RANBP3: variants seen among roughly 807,000 people sequenced by gnomAD.
RANBP3 encodes the protein RAN binding protein 3, also known as ran-binding protein 3.
RANBP3 carries 14 observed loss-of-function variants against 77.3 expected under a neutral mutation model. The ratio of observed to expected loss-of-function variants is 0.18; its 90% confidence interval spans 0.12 to 0.28. The LOEUF (loss-of-function observed/expected upper bound fraction) is 0.28. Among genes scored for constraint, RANBP3 ranks in the 10% least tolerant of loss-of-function variants. The pLI is 1.00. For synonymous variants in RANBP3, 315 were observed against 312.4 expected, an observed-to-expected ratio of 1.01 and a Z score of -0.09; for missense variants, 586 against 752.3, an observed-to-expected ratio of 0.78 and a Z score of 2.59.
chr19:5,940,708 T>C (rs1795405637), intron 5 of RANBP3, among the ~76,000 whole-genome samples: 2 of 152,180 alleles, frequency 1.3e-5, no homozygotes, highest in South Asian at 4.1e-4. Context: ...GGAATGGATT[T>C]CAGTTGGGTA....
chr19:5,954,846 G>A (rs555242286), intron 2 of RANBP3, among the ~76,000 whole-genome samples: 2 of 152,306 alleles, frequency 1.3e-5, no homozygotes, highest in South Asian at 2.1e-4. Flanking sequence ...CCAGCCGCCC[G>A]CCCTGTGTGT....
chr19:5,925,770 G>A, intron 9 of RANBP3, 33 bp from the exon 10 acceptor site: 1 of 1,577,228 alleles, frequency 6.3e-7, no homozygotes, highest in East Asian at 2.2e-5. Context: ...AGTAATCGGG[G>A]GTGGGGGGGT....
chr19:5,965,979 G>C (rs571343062), intron 1 of RANBP3: 2 of 152,196 alleles, frequency 1.3e-5, no homozygotes, highest in Non-Finnish European at 2.9e-5. Flanking sequence ...AGGTGGGCCC[G>C]GGTCTTCGGG....
chr19:5,971,655 G>A (rs1317265096), intron 1 of RANBP3, among the ~76,000 whole-genome samples: 1 of 152,198 alleles, frequency 6.6e-6, no homozygotes, highest in Non-Finnish European at 1.5e-5. Flanking sequence ...GCAGGGCCCC[G>A]GACCATCTTT....
At chr19:5,938,263 T>G (rs931513857) in intron 5 of RANBP3, among the ~76,000 whole-genome samples, 7 of 152,222 alleles carry the variant, frequency 4.6e-5, no homozygotes, top group African/African-American at 1.7e-4. Context: ...TAAACTCGCT[T>G]GTTAAATCTT....
chr19:5,967,144 C>T (rs943459771), intron 1 of RANBP3, among the ~76,000 whole-genome samples: 12 of 152,212 alleles, frequency 7.9e-5, no homozygotes, highest in South Asian at 2.1e-4. Context: ...GATGCCTCTG[C>T]GGATCTCCGT....
rs2058105322 is a variant in RANBP3, at chr19:5,939,383, A to G, written c.406+2238T>C. 2.0e-5 allele frequency among the ~76,000 whole-genome samples: 3 copies of G among 152,284 alleles called. No individual in the cohort carries two copies. The South Asian group carries it at 6.2e-4, about 32-fold the overall frequency. On this transcript the variant is annotated intron_variant, in intron 5 of 16. Coordinates refer to ENST00000340578, the MANE Select transcript of RANBP3 (RefSeq NM_007322.3). ...GACTATGAGCTGAAGAGTTGGGGGA[A>G]AAATTTTAACAGCTGAAGAAGAACT...
chr19:5,932,666 C>G (rs2058009580), intron 6 of RANBP3, 122 bp from the exon 7 acceptor site: 3 of 693,816 alleles, frequency 4.3e-6, no homozygotes, highest in Non-Finnish European at 7.3e-6. Context: ...CAGGGAAGCA[C>G]TTTTTTAAAA....
At position 5,958,083 on chromosome 19, in the gene RANBP3, T is replaced by G. The variant is rs2058356672; in HGVS notation, c.23-110A>C. ...CATATATATAAATGAAACTAGTAAC[T>G]CCAGAGAACATCAAATCACTTAGAA... is the stretch of plus-strand genomic sequence containing the variant. On this transcript the variant is annotated intron_variant, in intron 1 of 16. Coordinates refer to ENST00000340578, the MANE Select transcript of RANBP3 (RefSeq NM_007322.3). This position sits in a 1 kb window ranked among gnomAD's most constrained non-coding sequence, Gnocchi z 4.4. The G allele has an allele frequency of 6.3e-6, 6 of 954,870 alleles. No homozygotes were observed. In the Admixed American group the frequency reaches 6.5e-5, roughly 10 times the overall value. 59.1% of individuals were successfully genotyped at this position (954,870 alleles called of 1,614,324 possible).
intron 1 of RANBP3, among the ~76,000 whole-genome samples, chr19:5,972,899 A>C (rs1162116859): frequency 2.6e-5 from 4 of 152,192 alleles, no homozygotes; most frequent in Non-Finnish European, 5.9e-5. Context: ...TGCCGGGAAA[A>C]TCCCATTTTC....
chr19:5,940,149 T>G (rs1310299479), intron 5 of RANBP3, among the ~76,000 whole-genome samples: 2 of 152,170 alleles, frequency 1.3e-5, no homozygotes, highest in African/African-American at 4.8e-5. Flanking sequence ...GAGAGCTGAG[T>G]GTCTCTTGGG....
intron 1 of RANBP3, among the ~76,000 whole-genome samples, chr19:5,976,169 C>T (rs938112855): frequency 1.3e-5 from 2 of 152,132 alleles, no homozygotes; most frequent in African/African-American, 2.4e-5. Context: ...AAGAATGGAC[C>T]TGCCTAACTA....
chr19:5,944,810 C>G (rs147136469), intron 3 of RANBP3, among the ~76,000 whole-genome samples: 79 of 152,380 alleles, frequency 5.2e-4, no homozygotes, highest in East Asian at 1.5e-3. Context: ...TCCCCACCCC[C>G]AAGTCCCATC....
At chr19:5,972,616 G>T (rs1261760102) in intron 1 of RANBP3, among the ~76,000 whole-genome samples, 1 of 152,172 alleles carries the variant, frequency 6.6e-6, no homozygotes, top group Non-Finnish European at 1.5e-5. Flanking sequence ...GTGGTCCTCT[G>T]GTAAGTTTTG....
intron 3 of RANBP3, among the ~76,000 whole-genome samples, chr19:5,947,578 G>T (rs2058222459): frequency 6.6e-6 from 1 of 152,218 alleles, no homozygotes; most frequent in Admixed American, 6.5e-5. Context: ...TAAGGAAGCA[G>T]AAGAGAAAGA....
chr19:5,923,419 C>T, intron 12 of RANBP3, 116 bp from the exon 13 acceptor site: 1 of 990,314 alleles, frequency 1.0e-6, no homozygotes, highest in Non-Finnish European at 1.5e-6. Context: ...CCTGCTGCCC[C>T]TGGCAGGCCT....
intron 1 of RANBP3, among the ~76,000 whole-genome samples, chr19:5,963,379 C>G (rs1222803242): frequency 1.3e-5 from 2 of 152,006 alleles, no homozygotes. Flanking sequence ...TAATGAGACC[C>G]TATTTCTACA....
At chr19:5,969,922 G>A (rs1485270266) in intron 1 of RANBP3, among the ~76,000 whole-genome samples, 1 of 152,258 alleles carries the variant, frequency 6.6e-6, no homozygotes, top group African/African-American at 2.4e-5. Flanking sequence ...AAATAAGGTT[G>A]GGAGGAAGGG....
rs753300129 is a variant in RANBP3, at chr19:5,918,502, C to G, written c.1467G>C (p.Leu489=). ...DTEDQGVKVF[L]ISASSKDTGQ... Reference sequence around the variant, plus strand: ...ACCCGCGTGGCTGGCTCACCGAGATCAGGAAGACCTTCACGCCCTGGTCCT... The same window carrying G: ...ACCCGCGTGGCTGGCTCACCGAGATGAGGAAGACCTTCACGCCCTGGTCCT... Residue 489 remains leucine, a synonymous_variant, in exon 15 of 17, where the codon CTG becomes CTC. Coordinates refer to ENST00000340578, the MANE Select transcript of RANBP3 (RefSeq NM_007322.3). 2.1e-5 allele frequency: 34 copies of G among 1,609,764 alleles called. 1 individual carries two copies. The highest frequency in any genetic ancestry group is 2.7e-5 in the Non-Finnish European group (32 of 1,178,242).
Sources: gnomAD v4.1 joint callset for allele counts (sites outside exome capture counted in the v4.1 genomes callset) on GRCh38, gnomAD v4.1.1 for gene constraint, Gnocchi (gnomAD v3.1) non-coding constraint, MANE v1.5 for transcripts, NCBI Gene and HGNC (gene_info 2026-07-23, HGNC 2026-07-21) for gene names.